PRKCB: variants seen among roughly 807,000 people sequenced by gnomAD.
PRKCB encodes the protein protein kinase C beta.
Under a neutral mutation model 81.5 loss-of-function variants are expected in PRKCB, and 13 were observed. The observed-to-expected ratio is 0.16, with a 90% CI of 0.10 to 0.25. The LOEUF (loss-of-function observed/expected upper bound fraction) is 0.25, where lower values mean the gene tolerates loss of function less well. Ranked by LOEUF, PRKCB falls within the 10% of genes least tolerant of loss-of-function variation. The probability of loss-of-function intolerance (pLI) is 1.00; values close to 1 mark genes in which losing one functional copy is unlikely to be tolerated. For synonymous variants in PRKCB, 335 were observed against 321.4 expected (o/e 1.04, Z -0.45); for missense variants, 509 against 875.7 (o/e 0.58, Z 5.29).
At position 24,126,125 on chromosome 16, in the gene PRKCB, G is replaced by A. The variant is rs567889024; in HGVS notation, c.1065+2144G>A. ...AGCCTGTACCAAGTGCTCAAGAAAA[G>A]CATGTTGAATACATGAATGAAAATG... On this transcript the variant is annotated intron_variant, in intron 9 of 16. Transcript: ENST00000643927. 1.2e-4 allele frequency among the ~76,000 whole-genome samples: 19 copies of A among 152,296 alleles called. No homozygotes were observed. The East Asian group carries it at 3.5e-3, about 28-fold the overall frequency.
At chr16:23,928,201 C>T (rs1163954156) in intron 2 of PRKCB, among the ~76,000 whole-genome samples, 1 of 152,060 alleles carries the variant, frequency 6.6e-6, no homozygotes, top group East Asian at 1.9e-4. Flanking sequence ...TCTCAGCTCA[C>T]TGCAACCTCC....
chr16:23,999,584 CA>C (rs1295868483), intron 3 of PRKCB, among the ~76,000 whole-genome samples: 2 of 152,224 alleles, frequency 1.3e-5, no homozygotes, highest in East Asian at 3.9e-4. Flanking sequence ...TGGTCACCCA[CA>C]GTCATCCTTC....
At chr16:23,848,870 A>G (rs2141080711) in intron 2 of PRKCB, among the ~76,000 whole-genome samples, 1 of 152,264 alleles carries the variant, frequency 6.6e-6, no homozygotes, top group African/African-American at 2.4e-5. Context: ...AATGGTAGCT[A>G]TTTCTGTTCT....
intron 9 of PRKCB, 66 bp from the exon 10 acceptor site, chr16:24,154,618 C>A (rs1967127777): frequency 1.3e-6 from 2 of 1,517,306 alleles, no homozygotes; most frequent in Non-Finnish European, 1.8e-6. Context: ...CAAATGAACA[C>A]CAGCTGCTCA....
chr16:24,136,705 G>A (rs758636804), intron 9 of PRKCB, among the ~76,000 whole-genome samples: 7 of 152,108 alleles, frequency 4.6e-5, no homozygotes, highest in South Asian at 2.1e-4. Flanking sequence ...CACTGTGACC[G>A]GGGAAGCGGT....
At chr16:23,839,216 T>G (rs754334837) in intron 2 of PRKCB, among the ~76,000 whole-genome samples, 21 of 151,802 alleles carry the variant, frequency 1.4e-4, no homozygotes, top group Non-Finnish European at 2.9e-4. Flanking sequence ...TTTTCTGATG[T>G]TAAGAGAAAA....
intron 2 of PRKCB, among the ~76,000 whole-genome samples, chr16:23,859,487 G>T (rs924614340): frequency 6.6e-6 from 1 of 152,202 alleles, no homozygotes; most frequent in African/African-American, 2.4e-5. Context: ...AAACTTGTAG[G>T]CCAGACTCAT....
chr16:24,007,284 CA>C (rs1298712778), intron 3 of PRKCB, among the ~76,000 whole-genome samples: 3 of 152,218 alleles, frequency 2.0e-5, no homozygotes, highest in Non-Finnish European at 4.4e-5. Context: ...ATTATTGCCA[CA>C]AATGATCCTT....
chr16:24,097,604 G>T lies in PRKCB; in HGVS notation c.821+3307G>T, dbSNP rs115631186. ...AGTTTAGAAAGTTTATTTTGCCAAGGTTAAGGATGTGCCAGTGACACAGAC... is the reference window on the plus strand; with the variant it reads ...AGTTTAGAAAGTTTATTTTGCCAAGTTTAAGGATGTGCCAGTGACACAGAC... On this transcript the variant is annotated intron_variant, in intron 7 of 16. Transcript: ENST00000643927. Among the ~76,000 whole-genome samples, 1,278 of 152,314 alleles carry T rather than the reference G, an allele frequency of 8.4e-3. 15 individuals are homozygous for T. The highest frequency in any genetic ancestry group is 0.03 in the African/African-American group (1,230 of 41,568).
At chr16:24,063,055 A>T (rs1175930764) in intron 5 of PRKCB, among the ~76,000 whole-genome samples, 1 of 151,990 alleles carries the variant, frequency 6.6e-6, no homozygotes, top group Non-Finnish European at 1.5e-5. Flanking sequence ...GTCCAGCAGT[A>T]TCAGAAGGCC....
intron 13 of PRKCB, among the ~76,000 whole-genome samples, chr16:24,182,725 G>T: frequency 6.6e-6 from 1 of 152,110 alleles, no homozygotes; most frequent in East Asian, 1.9e-4. Flanking sequence ...GTGGGCTGGA[G>T]GGGAGGCAAC....
intron 2 of PRKCB, among the ~76,000 whole-genome samples, chr16:23,861,416 C>G (rs1368839063): frequency 6.6e-6 from 1 of 152,136 alleles, no homozygotes; most frequent in Non-Finnish European, 1.5e-5. Context: ...ATCCTCACAC[C>G]TCCGCCTCCT....
chr16:24,099,633 T>G (rs909496634), intron 7 of PRKCB: 3 of 152,172 alleles, frequency 2.0e-5, no homozygotes, highest in African/African-American at 7.2e-5. Context: ...TAATTTGCAG[T>G]TGGTTAGAGT....
chr16:24,151,498 C>T (rs1186260638), intron 9 of PRKCB, among the ~76,000 whole-genome samples: 1 of 152,146 alleles, frequency 6.6e-6, no homozygotes, highest in East Asian at 1.9e-4. Context: ...GATTGAAGTG[C>T]GGAAATGCCT....
At chr16:23,970,825 A>T (rs369601359) in intron 2 of PRKCB, among the ~76,000 whole-genome samples, 3 of 152,338 alleles carry the variant, frequency 2.0e-5, no homozygotes, top group Admixed American at 1.3e-4. Context: ...TTTCATAAAC[A>T]GGTGACTGAG....
At chr16:23,863,776 T>C (rs1962725321) in intron 2 of PRKCB, among the ~76,000 whole-genome samples, 2 of 152,158 alleles carry the variant, frequency 1.3e-5, no homozygotes, top group South Asian at 4.1e-4. Context: ...TAGTAGACAA[T>C]GTTCCAGGCA....
chr16:23,977,537 TA>T (rs1221354247), intron 2 of PRKCB, among the ~76,000 whole-genome samples: 1 of 151,892 alleles, frequency 6.6e-6, no homozygotes, highest in African/African-American at 2.4e-5. Context: ...GGGATCTAGA[TA>T]AAAAAAGAAA....
intron 2 of PRKCB, among the ~76,000 whole-genome samples, chr16:23,876,931 A>G (rs1171214218): frequency 6.6e-6 from 1 of 152,200 alleles, no homozygotes; most frequent in East Asian, 1.9e-4. Flanking sequence ...TTTGGTTGCA[A>G]GTAACATAAA....
intron 16 of PRKCB, among the ~76,000 whole-genome samples, chr16:24,193,554 C>T (rs1596592434): frequency 1.3e-5 from 2 of 151,968 alleles, no homozygotes; most frequent in East Asian, 1.9e-4. Flanking sequence ...TCAAGTGATC[C>T]TCCAAAAACC....
Sources: allele counts gnomAD v4.1 joint callset (sites outside exome capture counted in the v4.1 genomes callset), GRCh38; gene constraint gnomAD v4.1.1; transcripts MANE v1.5; gene names NCBI Gene and HGNC (gene_info 2026-07-23, HGNC 2026-07-21).